Variants in PTK2 observed in about 807,000 individuals in gnomAD.
PTK2 encodes the protein protein tyrosine kinase 2, also known as focal adhesion kinase 1.
PTK2 carries 45 observed loss-of-function variants against 150.1 expected under a neutral mutation model. The ratio of observed to expected loss-of-function variants is 0.30; its 90% CI spans 0.24 to 0.38. The LOEUF (loss-of-function observed/expected upper bound fraction) is 0.38. Ranked by LOEUF, PTK2 falls within the 10% of genes least tolerant of loss-of-function variation. The pLI is 1.00. For synonymous variants in PTK2, 432 were observed against 449.2 expected, an observed-to-expected ratio of 0.96 and a Z score of 0.48; for missense variants, 919 against 1,307.3, an observed-to-expected ratio of 0.70 and a Z score of 4.58.
At chr8:140,681,875 T>C (rs535220891) in intron 27 of PTK2, among the ~76,000 whole-genome samples, 3 of 152,260 alleles carry the variant, frequency 2.0e-5, no homozygotes, top group South Asian at 4.1e-4. Flanking sequence ...ATGCTGGAGG[T>C]TGCAAATTTT....
At chr8:140,664,890 G>A in intron 31 of PTK2, 27 bp downstream of exon 35, 3 of 1,605,380 alleles carry the variant, frequency 1.9e-6, no homozygotes, top group Non-Finnish European at 2.6e-6. Flanking sequence ...TGTCACAGAG[G>A]GCTGCAAGGG....
rs2100095000 is a variant in PTK2, at chr8:140,801,501, CA to C, written c.976-926del. Among the ~76,000 whole-genome samples, 10 of 152,302 alleles carry C rather than the reference CA, an allele frequency of 6.6e-5. No individual in the cohort carries two copies. The South Asian group carries it at 2.1e-3, about 32-fold the overall frequency. On this transcript the variant is annotated intron_variant, in intron 11 of 31. Transcript: ENST00000522684. Reference sequence around the variant, plus strand: ...TTTGGGTATGAACCCCATCTCTTGTCAATTACTTGATGTGGCCAACCTCTCA... The same window carrying C: ...TTTGGGTATGAACCCCATCTCTTGTCATTACTTGATGTGGCCAACCTCTCA...
intron 2 of PTK2, among the ~76,000 whole-genome samples, chr8:140,891,036 TACAA>T (rs1180399174): frequency 6.6e-6 from 1 of 152,108 alleles, no homozygotes; most frequent in Non-Finnish European, 1.5e-5. Context: ...AAAAAGTATC[TACAA>T]ACAATGTAAT....
At chr8:140,947,413 A>C (rs974613013) in intron 1 of PTK2, among the ~76,000 whole-genome samples, 3 of 152,234 alleles carry the variant, frequency 2.0e-5, no homozygotes, top group Non-Finnish European at 4.4e-5. Context: ...TTCCACAGCT[A>C]AAAGTGGCAG....
intron 2 of PTK2, among the ~76,000 whole-genome samples, chr8:140,922,402 G>C (rs917214339): frequency 9.2e-5 from 14 of 151,770 alleles, no homozygotes; most frequent in African/African-American, 3.4e-4. Flanking sequence ...CAAGCAACTA[G>C]ATCAACTAGA....
chr8:140,786,816 T>C (rs2100085242), intron 14 of PTK2, among the ~76,000 whole-genome samples: 2 of 152,088 alleles, frequency 1.3e-5, no homozygotes, highest in African/African-American at 4.8e-5. Flanking sequence ...GTGATAGTCA[T>C]ATATTGAAGT....
intron 1 of PTK2, among the ~76,000 whole-genome samples, chr8:140,969,839 C>T (rs992869926): frequency 2.6e-5 from 4 of 152,214 alleles, no homozygotes; most frequent in Non-Finnish European, 5.9e-5. Context: ...TCATTACCAC[C>T]TTCTATATTC....
chr8:140,687,471 T>A lies in PTK2; in HGVS notation c.2500-777A>T, dbSNP rs1394031627. 2.0e-5 allele frequency among the ~76,000 whole-genome samples: 3 copies of A among 152,236 alleles called. No individual in the cohort carries two copies. In the East Asian group the frequency reaches 5.8e-4, roughly 29 times the overall value. ...CGCTTCTTAGCCTGTGCCTTACAGATACCTCTATGTTGGCACCTATCAGGC... is the reference window on the plus strand; with the variant it reads ...CGCTTCTTAGCCTGTGCCTTACAGAAACCTCTATGTTGGCACCTATCAGGC... On this transcript the variant is annotated intron_variant, in intron 26 of 31. Transcript: ENST00000522684.
chr8:140,857,709 C>T (rs1380060675), intron 5 of PTK2, among the ~76,000 whole-genome samples: 2 of 152,134 alleles, frequency 1.3e-5, no homozygotes, highest in Admixed American at 6.5e-5. Flanking sequence ...TCCTTACTTC[C>T]GCCAAGTGAG....
intron 22 of PTK2, among the ~76,000 whole-genome samples, chr8:140,726,090 T>TA (rs2100045606): frequency 1.3e-5 from 2 of 151,694 alleles, no homozygotes; most frequent in African/African-American, 4.8e-5. Flanking sequence ...GTATATGAAA[T>TA]AAAATCTCCA....
intron 1 of PTK2, among the ~76,000 whole-genome samples, chr8:140,987,854 G>A (rs756610144): frequency 2.0e-5 from 3 of 152,144 alleles, no homozygotes; most frequent in Non-Finnish European, 4.4e-5. Context: ...ACCAGCCTGC[G>A]AAACATGACT....
chr8:140,995,596 GTT>G (rs1428665555), intron 1 of PTK2, among the ~76,000 whole-genome samples: 3 of 151,882 alleles, frequency 2.0e-5, no homozygotes, highest in Admixed American at 2.0e-4. Context: ...GAGCTCAGGA[GTT>G]TGAGAACAGC....
intron 31 of PTK2, chr8:140,660,598 C>T (rs1363360272): frequency 8.8e-6 from 4 of 454,988 alleles, no homozygotes; most frequent in Non-Finnish European, 1.8e-5. Context: ...TGGTGGTGTG[C>T]ACCTGTATTC....
chr8:140,987,940 G>A (rs1243385537), intron 1 of PTK2, among the ~76,000 whole-genome samples: 1 of 151,726 alleles, frequency 6.6e-6, no homozygotes, highest in Non-Finnish European at 1.5e-5. Flanking sequence ...AGCTACTCCA[G>A]CGACTGAGGT....
At chr8:140,745,123 C>G (rs2100057955) in intron 18 of PTK2, among the ~76,000 whole-genome samples, 1 of 152,124 alleles carries the variant, frequency 6.6e-6, no homozygotes, top group Non-Finnish European at 1.5e-5. Flanking sequence ...ACTATCCAAA[C>G]AAGGCTAATA....
At chr8:141,000,307 G>A (rs912844122) in intron 1 of PTK2, among the ~76,000 whole-genome samples, 1 of 152,218 alleles carries the variant, frequency 6.6e-6, no homozygotes, top group Non-Finnish European at 1.5e-5. Flanking sequence ...CTCCCGCCAA[G>A]AAGCCCACGG....
intron 22 of PTK2, among the ~76,000 whole-genome samples, chr8:140,722,017 C>T (rs1317522334): frequency 6.6e-6 from 1 of 152,154 alleles, no homozygotes; most frequent in Non-Finnish European, 1.5e-5. Context: ...TTAGCACAGA[C>T]CCTGAAACAT....
At chr8:140,827,305 G>T (rs138231450) in intron 8 of PTK2, among the ~76,000 whole-genome samples, 7 of 151,978 alleles carry the variant, frequency 4.6e-5, no homozygotes, top group Non-Finnish European at 1.0e-4. Context: ...TAGAAACAGA[G>T]AGGGCTCGCT....
intron 5 of PTK2, among the ~76,000 whole-genome samples, chr8:140,861,672 T>G (rs1357917590): frequency 6.6e-6 from 1 of 152,222 alleles, no homozygotes; most frequent in Non-Finnish European, 1.5e-5. Context: ...ATAATGAACT[T>G]AACAGTCCTA....
Sources: gnomAD v4.1 joint callset for allele counts (sites outside exome capture counted in the v4.1 genomes callset) on GRCh38, gnomAD v4.1.1 for gene constraint, MANE v1.5 for transcripts, NCBI Gene and HGNC (gene_info 2026-07-23, HGNC 2026-07-21) for gene names.